Variants in SDK1 observed in about 807,000 individuals in gnomAD.
SDK1 encodes protein sidekick-1.
Under a neutral mutation model 245.5 loss-of-function variants are expected in SDK1, and 157 were observed. That is an observed-to-expected ratio of 0.64 (90% CI 0.56 to 0.73). SDK1 has a LOEUF of 0.73. Among genes scored for constraint, SDK1 ranks in the 30% least tolerant of loss-of-function variants. The pLI, the probability that SDK1 is intolerant of heterozygous loss-of-function variation, is 0.00. For synonymous variants in SDK1, 1,647 were observed against 1,278.5 expected, an observed-to-expected ratio of 1.29 and a Z score of -6.15; for missense variants, 3,583 against 3,002.3, an observed-to-expected ratio of 1.19 and a Z score of -4.52.
intron 10 of SDK1, among the ~76,000 whole-genome samples, chr7:3,968,283 C>G (rs1782229822): frequency 6.6e-6 from 1 of 152,228 alleles, no homozygotes; most frequent in Non-Finnish European, 1.5e-5. Context: ...GTTCCCATAG[C>G]CCGTTCCATG....
At position 3,311,018 on chromosome 7, in the gene SDK1, T is replaced by G. The variant is rs528843111; in HGVS notation, c.298+9134T>G. 2.6e-5 allele frequency among the ~76,000 whole-genome samples: 4 copies of G among 152,268 alleles called. No homozygotes were observed. The South Asian group carries it at 8.3e-4, about 32-fold the overall frequency. On this transcript the variant is annotated intron_variant, in intron 1 of 44. Coordinates refer to ENST00000404826, the MANE Select transcript of SDK1 (RefSeq NM_152744.4). ...TGTTAGGTGGTGTTATTTATTCTTT[T>G]GTGTAGAGGAATCCTGCCTTATTTA...
intron 5 of SDK1, among the ~76,000 whole-genome samples, chr7:3,936,652 G>A (rs78687491): frequency 0.02 from 3,057 of 152,176 alleles, 119 homozygotes; most frequent in African/African-American, 0.07. Flanking sequence ...CGTCCTTAAC[G>A]CCAATGAACT....
chr7:4,137,236 A>G (rs555419911), intron 28 of SDK1, among the ~76,000 whole-genome samples: 1 of 152,346 alleles, frequency 6.6e-6, no homozygotes, highest in Non-Finnish European at 1.5e-5. Flanking sequence ...CGGAGGTTGC[A>G]GTGAGCCAAG....
At chr7:3,846,321 A>G (rs1463199413) in intron 5 of SDK1, among the ~76,000 whole-genome samples, 8 of 152,238 alleles carry the variant, frequency 5.3e-5, no homozygotes, top group African/African-American at 1.7e-4. Context: ...TTGCATGAAA[A>G]TAAGTAGAGT....
intron 44 of SDK1, among the ~76,000 whole-genome samples, chr7:4,256,005 T>C (rs1392448975): frequency 6.7e-6 from 1 of 148,732 alleles, no homozygotes; most frequent in Non-Finnish European, 1.5e-5. Flanking sequence ...CTGCAACCTC[T>C]GCCTTCTCAG....
chr7:3,527,871 A>G (rs1189278852), intron 1 of SDK1, among the ~76,000 whole-genome samples: 2 of 149,716 alleles, frequency 1.3e-5, no homozygotes, highest in East Asian at 4.0e-4. Flanking sequence ...GCTGGATGAT[A>G]GTCAGCTAGA....
intron 1 of SDK1, among the ~76,000 whole-genome samples, chr7:3,385,773 T>C (rs1002075007): frequency 1.3e-5 from 2 of 152,214 alleles, no homozygotes; most frequent in African/African-American, 2.4e-5. Context: ...GATCATATTT[T>C]GTGGCGATTA....
At chr7:4,226,600 G>A (rs910894958) in intron 40 of SDK1, among the ~76,000 whole-genome samples, 2 of 152,206 alleles carry the variant, frequency 1.3e-5, no homozygotes, top group South Asian at 4.1e-4. Context: ...CCTGGAGAGG[G>A]CGCTCCATGA....
intron 1 of SDK1, among the ~76,000 whole-genome samples, chr7:3,350,379 G>A (rs1490368842): frequency 2.0e-5 from 3 of 152,212 alleles, no homozygotes; most frequent in Non-Finnish European, 4.4e-5. Flanking sequence ...TGTGAAGCAA[G>A]TGAGTCCCTT....
intron 35 of SDK1, among the ~76,000 whole-genome samples, chr7:4,194,805 T>A (rs750957626): frequency 1.8e-4 from 27 of 152,192 alleles, no homozygotes; most frequent in Non-Finnish European, 3.4e-4. Flanking sequence ...GGCAACACCC[T>A]CACAGACACG....
At chr7:3,585,771 A>G (rs1780666616) in intron 1 of SDK1, among the ~76,000 whole-genome samples, 1 of 152,128 alleles carries the variant, frequency 6.6e-6, no homozygotes, top group Non-Finnish European at 1.5e-5. Context: ...GAAACGGGGG[A>G]GAAATCTAAA....
intron 4 of SDK1, among the ~76,000 whole-genome samples, chr7:3,692,431 C>G (rs776123645): frequency 2.6e-5 from 4 of 152,012 alleles, no homozygotes; most frequent in African/African-American, 4.8e-5. Flanking sequence ...TTTTGCTATT[C>G]TCTTTAAATG....
chr7:3,481,339 G>C (rs1386938305), intron 1 of SDK1, among the ~76,000 whole-genome samples: 3 of 152,196 alleles, frequency 2.0e-5, no homozygotes, highest in Non-Finnish European at 4.4e-5. Context: ...TGTAGTGACT[G>C]CATATCATCC....
At chr7:4,137,187 C>T (rs1198270030) in intron 28 of SDK1, among the ~76,000 whole-genome samples, 1 of 152,214 alleles carries the variant, frequency 6.6e-6, no homozygotes, top group Non-Finnish European at 1.5e-5. Context: ...CCCAGCTACT[C>T]AGGGGGCTGA....
intron 4 of SDK1, among the ~76,000 whole-genome samples, chr7:3,734,624 C>T (rs17133778): frequency 0.092 from 14,040 of 152,184 alleles, 835 homozygotes; most frequent in African/African-American, 0.15. Context: ...TCCCAAACTC[C>T]GTCAAATGAA....
At chr7:4,120,981 C>CT (rs1001001779) in intron 25 of SDK1, among the ~76,000 whole-genome samples, 69 of 147,138 alleles carry the variant, frequency 4.7e-4, no homozygotes, top group Admixed American at 1.0e-3. Context: ...ATTTGAGACT[C>CT]TTTTTTTTTT....
intron 17 of SDK1, among the ~76,000 whole-genome samples, chr7:4,021,755 C>G (rs1432874065): frequency 6.6e-6 from 1 of 152,214 alleles, no homozygotes; most frequent in African/African-American, 2.4e-5. Flanking sequence ...CTGGAATTCT[C>G]TCCTTGTGGC....
chr7:3,848,826 C>T (rs1023667149), intron 5 of SDK1, among the ~76,000 whole-genome samples: 2 of 152,144 alleles, frequency 1.3e-5, no homozygotes, highest in African/African-American at 2.4e-5. Flanking sequence ...CGTGCGTCAC[C>T]ATGCCTAGCA....
chr7:3,461,949 T>C (rs1780843377), intron 1 of SDK1, among the ~76,000 whole-genome samples: 1 of 152,190 alleles, frequency 6.6e-6, no homozygotes, highest in Non-Finnish European at 1.5e-5. Context: ...CATCGGCATT[T>C]AAGCATGTTC....
Sources: gnomAD v4.1 joint callset for allele counts (sites outside exome capture counted in the v4.1 genomes callset) on GRCh38, gnomAD v4.1.1 for gene constraint, MANE v1.5 for transcripts, NCBI Gene and HGNC (gene_info 2026-07-23, HGNC 2026-07-21) for gene names.